Variants in PIK3CB observed in about 807,000 individuals in gnomAD.
The protein encoded by PIK3CB is phosphatidylinositol-4,5-bisphosphate 3-kinase catalytic subunit beta, also known as phosphatidylinositol 4,5-bisphosphate 3-kinase catalytic subunit beta isoform.
Under a neutral mutation model 136.8 loss-of-function variants are expected in PIK3CB, and 39 were observed. That is an observed-to-expected ratio of 0.29 (90% CI 0.22 to 0.37). The LOEUF is 0.37. Among genes scored for constraint, PIK3CB ranks in the 10% least tolerant of loss-of-function variants. The probability of loss-of-function intolerance (pLI) is 1.00; values close to 1 mark genes in which losing one functional copy is unlikely to be tolerated. For missense variants in PIK3CB, 868 were observed against 1,275.4 expected (o/e 0.68, Z 4.87); for synonymous variants, 428 against 436.6 (o/e 0.98, Z 0.25).
intron 2 of PIK3CB, among the ~76,000 whole-genome samples, chr3:138,790,975 A>G (rs1474940321): frequency 1.3e-5 from 2 of 151,946 alleles, no homozygotes; most frequent in Non-Finnish European, 2.9e-5. Context: ...AAACAAAACA[A>G]AACAAAAAAC....
At chr3:138,796,798 A>G (rs1019274484) in intron 1 of PIK3CB, 3 of 152,184 alleles carry the variant, frequency 2.0e-5, no homozygotes, top group African/African-American at 7.2e-5. Context: ...CAGGACAGAC[A>G]ACATAATTTG....
intron 21 of PIK3CB, among the ~76,000 whole-genome samples, chr3:138,661,551 T>C (rs1030093310): frequency 2.0e-5 from 3 of 152,250 alleles, no homozygotes; most frequent in African/African-American, 7.2e-5. Context: ...ATTATTGTTT[T>C]AGAGGTGTAA....
intron 19 of PIK3CB, among the ~76,000 whole-genome samples, chr3:138,673,696 TACACACACACATAC>T (rs1471062203): frequency 1.3e-5 from 2 of 151,646 alleles, no homozygotes; most frequent in Admixed American, 6.6e-5. Context: ...CACACACACG[TACACACACACATAC>T]ACACACACAC....
chr3:138,763,133 T>C (rs947087077), intron 2 of PIK3CB, among the ~76,000 whole-genome samples: 4 of 151,858 alleles, frequency 2.6e-5, no homozygotes, highest in African/African-American at 9.7e-5. Context: ...TATGTATGTA[T>C]GTATGTATGT....
At chr3:138,744,987 T>C (rs928657766) in intron 4 of PIK3CB, among the ~76,000 whole-genome samples, 4 of 152,240 alleles carry the variant, frequency 2.6e-5, no homozygotes, top group African/African-American at 4.8e-5. Context: ...ATTTCCTTGA[T>C]TGGTTCTGTT....
intron 1 of PIK3CB, among the ~76,000 whole-genome samples, chr3:138,830,225 C>A (rs1277209698): frequency 2.6e-5 from 4 of 152,110 alleles, no homozygotes; most frequent in Non-Finnish European, 5.9e-5. Flanking sequence ...ACAACCACCC[C>A]CTGCCCACCA....
chr3:138,770,563 A>T (rs1576403534), intron 2 of PIK3CB: 1 of 151,994 alleles, frequency 6.6e-6, no homozygotes, highest in East Asian at 2.0e-4. Flanking sequence ...ACAAAAAATT[A>T]GCCAGGCATG....
At chr3:138,805,594 C>T (rs1172062992) in intron 1 of PIK3CB, among the ~76,000 whole-genome samples, 1 of 151,526 alleles carries the variant, frequency 6.6e-6, no homozygotes, top group Non-Finnish European at 1.5e-5. Context: ...ATGGCATGAA[C>T]CTGGGAGGCG....
chr3:138,656,614 C>T (rs1047445556), intron 22 of PIK3CB, among the ~76,000 whole-genome samples: 7 of 152,160 alleles, frequency 4.6e-5, no homozygotes, highest in African/African-American at 1.7e-4. Flanking sequence ...TTATAATCCA[C>T]AAGGATTTCT....
At chr3:138,798,053 G>A (rs1006885669) in intron 1 of PIK3CB, among the ~76,000 whole-genome samples, 5 of 152,194 alleles carry the variant, frequency 3.3e-5, no homozygotes, top group African/African-American at 1.2e-4. Flanking sequence ...AAGGGGGAAG[G>A]TGGGAAGACC....
chr3:138,775,988 A>G (rs188977742), intron 2 of PIK3CB, among the ~76,000 whole-genome samples: 1 of 152,292 alleles, frequency 6.6e-6, no homozygotes, highest in African/African-American at 2.4e-5. Context: ...ACCTGAGGTC[A>G]GGAGTTGAAG....
At chr3:138,821,871 G>A (rs1170034311) in intron 1 of PIK3CB, among the ~76,000 whole-genome samples, 3 of 151,994 alleles carry the variant, frequency 2.0e-5, no homozygotes, top group Non-Finnish European at 4.4e-5. Flanking sequence ...AGACAGCTTG[G>A]CCGGGTGCTT....
chr3:138,671,148 T>A (rs2043524057), intron 19 of PIK3CB, among the ~76,000 whole-genome samples: 1 of 152,194 alleles, frequency 6.6e-6, no homozygotes, highest in Admixed American at 6.5e-5. Flanking sequence ...CTGTAACCTT[T>A]GTTTAAAACC....
intron 19 of PIK3CB, among the ~76,000 whole-genome samples, chr3:138,669,255 TA>T (rs35291087): frequency 6.6e-6 from 1 of 151,146 alleles, no homozygotes; most frequent in Non-Finnish European, 1.5e-5. Context: ...CTACAAAAAG[TA>T]AAAAAATTAG....
At chr3:138,682,068 AT>A in intron 18 of PIK3CB, 23 bp from the exon 19 acceptor site, 1 of 1,506,806 alleles carries the variant, frequency 6.6e-7, no homozygotes, top group South Asian at 1.2e-5. Flanking sequence ...AAACTGCTTC[AT>A]TACAAGTGCT....
chr3:138,819,024 A>G (rs1051387431), intron 1 of PIK3CB, among the ~76,000 whole-genome samples: 2 of 152,198 alleles, frequency 1.3e-5, no homozygotes, highest in African/African-American at 4.8e-5. Flanking sequence ...ACAAAGGCAG[A>G]CTGATGTGCA....
At chr3:138,705,480 TTTATA>T (rs1363804960) in intron 11 of PIK3CB, among the ~76,000 whole-genome samples, 3 of 152,126 alleles carry the variant, frequency 2.0e-5, no homozygotes, top group African/African-American at 4.8e-5. Flanking sequence ...ATATTTGAAA[TTTATA>T]TTATAAGCAC....
intron 3 of PIK3CB, among the ~76,000 whole-genome samples, chr3:138,756,235 T>C (rs2045564828): frequency 6.6e-6 from 1 of 152,192 alleles, no homozygotes; most frequent in Non-Finnish European, 1.5e-5. Flanking sequence ...CAAGTTTTCT[T>C]ACAACAGCAA....
chr3:138,663,643 A>G (rs564850544), intron 21 of PIK3CB, among the ~76,000 whole-genome samples: 1 of 152,312 alleles, frequency 6.6e-6, no homozygotes, highest in East Asian at 1.9e-4. Flanking sequence ...CGGGATCCCA[A>G]AGTGCTGGGA....
Sources: allele counts gnomAD v4.1 joint callset (sites outside exome capture counted in the v4.1 genomes callset), GRCh38; gene constraint gnomAD v4.1.1; transcripts MANE v1.5; gene names NCBI Gene and HGNC (gene_info 2026-07-23, HGNC 2026-07-21).